FAM118A: variants seen among roughly 807,000 people sequenced by gnomAD.
The protein encoded by FAM118A is protein FAM118A.
In FAM118A, 25 loss-of-function variants were observed where a neutral mutation model predicts 38.2. The observed-to-expected ratio is 0.65, with a 90% confidence interval of 0.48 to 0.91. The LOEUF (loss-of-function observed/expected upper bound fraction) is 0.91, where lower values mean the gene tolerates loss of function less well. Ranked by LOEUF, FAM118A falls within the 40% of genes least tolerant of loss-of-function variation. FAM118A has a pLI of 0.00. For synonymous variants in FAM118A, 178 were observed against 184.1 expected (o/e 0.97, Z 0.27); for missense variants, 425 against 463.3 (o/e 0.92, Z 0.76).
At chr22:45,327,492 C>T (rs1172544837) in intron 3 of FAM118A, among the ~76,000 whole-genome samples, 1 of 152,134 alleles carries the variant, frequency 6.6e-6, no homozygotes, top group Admixed American at 6.5e-5. Context: ...AGTGCTGTGG[C>T]CCTTGCTCTT....
At chr22:45,328,790 A>G (rs74320199) in intron 4 of FAM118A, 7 of 199,132 alleles carry the variant, frequency 3.5e-5, no homozygotes, top group African/African-American at 9.4e-5. Flanking sequence ...AAAACAAAAG[A>G]AAAAAAAAAA....
At chr22:45,326,643 A>G (rs1394295299) in intron 3 of FAM118A, among the ~76,000 whole-genome samples, 2 of 151,994 alleles carry the variant, frequency 1.3e-5, no homozygotes, top group Non-Finnish European at 2.9e-5. Context: ...CCTGGCCAAC[A>G]TGGTGAAACC....
intron 1 of FAM118A, 173 bp from the exon 2 acceptor site, chr22:45,322,198 T>G: frequency 6.6e-7 from 1 of 1,523,474 alleles, no homozygotes; most frequent in Non-Finnish European, 8.8e-7. Context: ...GAATGGTGGC[T>G]TAGGAAGCAT....
At position 45,339,878 on chromosome 22, in the gene FAM118A, G is replaced by T. The variant is rs567175661; in HGVS notation, c.1055-508G>T. On this transcript the variant is annotated intron_variant, in intron 8 of 8. Transcript: ENST00000441876. ...CAGGGGTTTTCTTCAATACCTGTGAGATCTGTGCTCCTAGACGCCATCACC... is the reference window on the plus strand; with the variant it reads ...CAGGGGTTTTCTTCAATACCTGTGATATCTGTGCTCCTAGACGCCATCACC... 2.0e-5 allele frequency among the ~76,000 whole-genome samples: 3 copies of T among 152,142 alleles called. No homozygotes were observed. The East Asian group carries it at 5.8e-4, about 29-fold the overall frequency.
At chr22:45,339,111 T>A (rs1206800454) in intron 8 of FAM118A, among the ~76,000 whole-genome samples, 2 of 152,144 alleles carry the variant, frequency 1.3e-5, no homozygotes, top group African/African-American at 4.8e-5. Context: ...TCATTTAGTT[T>A]TATACAACTT....
chr22:45,326,630 C>A (rs1044793109), intron 3 of FAM118A, among the ~76,000 whole-genome samples: 1 of 151,836 alleles, frequency 6.6e-6, no homozygotes, highest in Non-Finnish European at 1.5e-5. Flanking sequence ...AGTTTGAGAC[C>A]AGCCTGGCCA....
At chr22:45,328,557 A>T in intron 4 of FAM118A, 4 of 700,442 alleles carry the variant, frequency 5.7e-6, no homozygotes, top group Non-Finnish European at 1.0e-5. Flanking sequence ...GCTTGAGCCC[A>T]GGAGTTCCAG....
At chr22:45,336,535 G>A in intron 8 of FAM118A, 124 bp downstream of exon 8, 3 of 694,122 alleles carry the variant, frequency 4.3e-6, no homozygotes, top group Admixed American at 2.5e-5. Flanking sequence ...CATACGTTCT[G>A]TCAGGGCCAG....
intron 4 of FAM118A, chr22:45,328,629 TC>T (rs1446122541): frequency 3.7e-6 from 2 of 542,444 alleles, no homozygotes; most frequent in East Asian, 5.8e-5. Context: ...AGACCCTTTC[TC>T]TTAAAAAAAA....
Position 45,340,808 on chromosome 22 carries a change from C to CT in FAM118A, c.*414dup, listed in dbSNP as rs35399563. On this transcript the variant is annotated 3_prime_UTR_variant, in exon 9 of 9. Coordinates refer to ENST00000441876, the MANE Select transcript of FAM118A (RefSeq NM_017911.4). ...CCAAAGAGAAAATACGAAATAGACACTTTTTTTTTTTGAGTCAGAGTCTCA... is the reference window on the plus strand; with the variant it reads ...CCAAAGAGAAAATACGAAATAGACACTTTTTTTTTTTTGAGTCAGAGTCTCA... The CT allele has an allele frequency of 0.018, 3,252 of 185,656 alleles. 1 individual carries two copies. The highest frequency in any genetic ancestry group is 0.034 in the South Asian group (270 of 8,006). 11.5% of individuals were successfully genotyped at this position (185,656 alleles called of 1,614,324 possible).
At chr22:45,318,412 A>AGG (rs1295713951) in intron 1 of FAM118A, 1 of 152,052 alleles carries the variant, frequency 6.6e-6, no homozygotes, top group Non-Finnish European at 1.5e-5. Context: ...AGGCCTCCGA[A>AGG]GGGTTTTGTT....
chr22:45,333,399 G>A (rs1456448101), intron 6 of FAM118A, among the ~76,000 whole-genome samples: 2 of 152,012 alleles, frequency 1.3e-5, no homozygotes, highest in Non-Finnish European at 2.9e-5. Context: ...TTTGGAGCGG[G>A]CGCGATAGCT....
At chr22:45,327,711 C>T (rs561588282) in intron 3 of FAM118A, 131 bp from the exon 4 acceptor site, 58 of 877,694 alleles carry the variant, frequency 6.6e-5, no homozygotes, top group Admixed American at 1.9e-4. Context: ...GGGGTTGCGG[C>T]GCACGCTGTG....
rs1407892270 is a variant in FAM118A at position 45,318,410 on chromosome 22, G to C, written c.-9-3961G>C. The C allele has an allele frequency of 2.6e-5, 4 of 152,266 alleles. No homozygotes were observed. In the East Asian group the frequency reaches 5.8e-4, roughly 22 times the overall value. The allele number at this position is 152,266 out of a possible 1,614,324, so 9.4% of individuals were successfully genotyped here. A position where few individuals can be genotyped will look rare whatever the true frequency, so the allele number is the denominator to read the frequency against. On this transcript the variant is annotated intron_variant, in intron 1 of 8. Coordinates refer to ENST00000441876, the MANE Select transcript of FAM118A (RefSeq NM_017911.4). ...GAGATGCAGCGTCTGAAAGGCCTCCGAAGGGTTTTGTTACTGTTTTCTGGG... is the reference window on the plus strand; with the variant it reads ...GAGATGCAGCGTCTGAAAGGCCTCCCAAGGGTTTTGTTACTGTTTTCTGGG...
At chr22:45,323,041 CTGTG>C (rs3041118) in intron 2 of FAM118A, 130 bp from the exon 3 acceptor site, 8,453 of 657,502 alleles carry the variant, frequency 0.013, 12 homozygotes, top group Non-Finnish European at 0.013. Context: ...TCAGAGGGGA[CTGTG>C]TGTGTGTGTG....
At chr22:45,324,710 G>A (rs1280190606) in intron 3 of FAM118A, among the ~76,000 whole-genome samples, 1 of 152,236 alleles carries the variant, frequency 6.6e-6, no homozygotes, top group Admixed American at 6.5e-5. Flanking sequence ...GCCCAGGTGA[G>A]TAGTTGGAAC....
At position 45,332,653 on chromosome 22, in the gene FAM118A, C is replaced by T. The variant is rs772740380; in HGVS notation, c.880C>T (p.His294Tyr). Residue 294 changes from histidine (H) to tyrosine (Y), a missense_variant, in exon 6 of 9, where the codon CAC becomes TAC. Transcript: ENST00000441876. ...KVVSYGDCFD[H>Y]FPGYVQDLAT... ...TGTATCCTACGGGGACTGTTTTGACCACTTTCCAGGATATGTGCAAGACCT... is the reference window on the plus strand; with the variant it reads ...TGTATCCTACGGGGACTGTTTTGACTACTTTCCAGGATATGTGCAAGACCT... The T allele has an allele frequency of 1.2e-6, 2 of 1,614,168 alleles. No homozygotes were observed. The highest frequency in any genetic ancestry group is 2.2e-5 in the East Asian group (1 of 44,896).
intron 3 of FAM118A, among the ~76,000 whole-genome samples, chr22:45,324,668 CG>C (rs773661462): frequency 1.2e-4 from 19 of 152,220 alleles, no homozygotes; most frequent in Non-Finnish European, 2.6e-4. Context: ...CATTCATTTA[CG>C]TATAGTACGT....
chr22:45,322,734 A>T (rs1033082529), intron 2 of FAM118A, among the ~76,000 whole-genome samples: 1 of 152,216 alleles, frequency 6.6e-6, no homozygotes, highest in Admixed American at 6.5e-5. Flanking sequence ...TGTGTTTGCT[A>T]TAAAGTGAAG....
Sources: allele counts gnomAD v4.1 joint callset (sites outside exome capture counted in the v4.1 genomes callset), GRCh38; gene constraint gnomAD v4.1.1; transcripts MANE v1.5; gene names NCBI Gene and HGNC (gene_info 2026-07-23, HGNC 2026-07-21).